Variants in TTI1 observed in about 807,000 individuals in gnomAD.
TTI1 encodes TELO2 interacting protein 1.
In TTI1, 52 loss-of-function variants were observed where a neutral mutation model predicts 85.4. The observed-to-expected ratio is 0.61, with a 90% confidence interval of 0.49 to 0.77. The LOEUF is 0.77. Among genes scored for constraint, TTI1 ranks in the 30% least tolerant of loss-of-function variants. TTI1 has a pLI of 0.00. For missense variants in TTI1, 1,173 were observed against 1,296.0 expected, an observed-to-expected ratio of 0.91 and a Z score of 1.46; for synonymous variants, 512 against 503.9, an observed-to-expected ratio of 1.02 and a Z score of -0.22.
intron 1 of TTI1, among the ~76,000 whole-genome samples, chr20:38,020,813 T>C (rs1036835780): frequency 3.9e-5 from 6 of 152,080 alleles, no homozygotes; most frequent in Admixed American, 3.3e-4. Flanking sequence ...TACACATCCA[T>C]GAGAAGAGCT....
Position 38,006,294 on chromosome 20 carries a change from GCTCTT to G in TTI1, c.2401_2405del (p.Lys801HisfsTer5), listed in dbSNP as rs1427551374. On this transcript the variant is annotated frameshift_variant, in exon 3 of 8. Transcript: ENST00000373447. LOFTEE classifies it high-confidence loss of function. ...GTTCGATGTCTTCAGCTGTGGTGGT[GCTCTT>G]CTCAAGAGCTGCTGGTCTTTGGTTC... is the stretch of plus-strand genomic sequence containing the variant. 1.9e-6 allele frequency: 3 copies of G among 1,614,054 alleles called. No homozygotes were observed. Among genetic ancestry groups the G allele is most frequent in the Non-Finnish European group, 2.5e-6 (3 of 1,180,026 alleles).
At position 37,999,342 on chromosome 20, in the gene TTI1, G is replaced by A. The variant is rs756731938; in HGVS notation, c.2653-14C>T. 6 of 1,387,432 alleles carry A rather than the reference G, an allele frequency of 4.3e-6. No homozygotes were observed. Among genetic ancestry groups the A allele is most frequent in the East Asian group, 5.5e-5 (2 of 36,600 alleles). The allele number at this position is 1,387,432 out of a possible 1,614,324, so 85.9% of individuals were successfully genotyped here. A position where few individuals can be genotyped will look rare whatever the true frequency, so the allele number is the denominator to read the frequency against. On this transcript the variant is annotated splice_polypyrimidine_tract_variant and intron_variant, in intron 4 of 7. Coordinates refer to ENST00000373447, the MANE Select transcript of TTI1 (RefSeq NM_001303457.2). The stretch of plus-strand genomic sequence containing the variant: ...CACATCCAAGACCTGAAAGAGACAC[G>A]ATTTCAGCAGATGGTATAGGCTTGA...
At chr20:38,020,713 A>T (rs912304110) in intron 1 of TTI1, among the ~76,000 whole-genome samples, 1 of 152,198 alleles carries the variant, frequency 6.6e-6, no homozygotes, top group African/African-American at 2.4e-5. Flanking sequence ...TATCACAAAA[A>T]AGGATAGCCA....
rs1468363342 is a variant in TTI1 at position 38,006,522 on chromosome 20, C to T, written c.2303-125G>A. The T allele has an allele frequency of 6.9e-6, 7 of 1,015,664 alleles. No individual in the cohort carries two copies. In the East Asian group the frequency reaches 1.3e-4, roughly 18 times the overall value. The allele number at this position is 1,015,664 out of a possible 1,614,324, so 62.9% of individuals were successfully genotyped here. On this transcript the variant is annotated intron_variant, in intron 2 of 7. Coordinates refer to ENST00000373447, the MANE Select transcript of TTI1 (RefSeq NM_001303457.2). ...ACATGATTCAGTCCCTGCCTGGCTC[C>T]CCGGCCTCCCAGTTGCCCATTAACT...
intron 1 of TTI1, among the ~76,000 whole-genome samples, chr20:38,031,473 C>G (rs777320656): frequency 6.6e-6 from 1 of 152,202 alleles, no homozygotes; most frequent in Admixed American, 6.5e-5. Flanking sequence ...ATCAATGAGG[C>G]CTTCTCTGAG....
At chr20:38,016,295 T>C (rs758431924) in intron 1 of TTI1, among the ~76,000 whole-genome samples, 8 of 152,208 alleles carry the variant, frequency 5.3e-5, no homozygotes, top group Non-Finnish European at 1.0e-4. Flanking sequence ...TCAAATACAA[T>C]GTTTAAGTGG....
chr20:38,003,904 C>T (rs2073461023), intron 3 of TTI1, among the ~76,000 whole-genome samples: 1 of 152,156 alleles, frequency 6.6e-6, no homozygotes, highest in African/African-American at 2.4e-5. Context: ...CATCTGTCTT[C>T]TCCACCAGCC....
intron 1 of TTI1, among the ~76,000 whole-genome samples, chr20:38,026,982 G>C (rs765091418): frequency 6.6e-6 from 1 of 152,180 alleles, no homozygotes; most frequent in Non-Finnish European, 1.5e-5. Context: ...GTAATACCTA[G>C]AGGGACCACT....
At chr20:37,999,683 C>A (rs2073393289) in intron 4 of TTI1, among the ~76,000 whole-genome samples, 1 of 152,160 alleles carries the variant, frequency 6.6e-6, no homozygotes, top group Non-Finnish European at 1.5e-5. Flanking sequence ...GGGGAAGGAG[C>A]TTCTAAAAGA....
chr20:37,999,463 A>G lies in TTI1; in HGVS notation c.2653-135T>C. On this transcript the variant is annotated intron_variant, in intron 4 of 7. Coordinates refer to ENST00000373447, the MANE Select transcript of TTI1 (RefSeq NM_001303457.2). Reference sequence around the variant, plus strand: ...TTTTCTGAGTGCTGACTACATGCCAAGCACTAGCTAGGTACTGAGGGGACA... The same window carrying G: ...TTTTCTGAGTGCTGACTACATGCCAGGCACTAGCTAGGTACTGAGGGGACA... The G allele has an allele frequency of 3.1e-6, 3 of 954,846 alleles. No homozygotes were observed. In the East Asian group the frequency reaches 9.9e-5, roughly 31 times the overall value. The allele number at this position is 954,846 out of a possible 1,614,324, so 59.1% of individuals were successfully genotyped here.
At position 38,013,027 on chromosome 20, in the gene TTI1, C is replaced by T. The variant is rs766967115; in HGVS notation, c.790G>A (p.Val264Ile). Residue 264 changes from valine (V) to isoleucine (I), a missense_variant, in exon 2 of 8, where the codon GTT (valine) becomes ATT (isoleucine). By Grantham distance (29) the Val-to-Ile change is conservative. Coordinates refer to ENST00000373447, the MANE Select transcript of TTI1 (RefSeq NM_001303457.2). ...ATCAGCTCTGCTACTCTGTGCTCAACTGCAGGTTTTGCTTGGACCTTTGAG... is the reference window on the plus strand; with the variant it reads ...ATCAGCTCTGCTACTCTGTGCTCAATTGCAGGTTTTGCTTGGACCTTTGAG... ...RISKVQAKPAVEHRVAELMVY... is the reference protein window; with the variant it reads ...RISKVQAKPAIEHRVAELMVY... 1.2e-6 allele frequency: 2 copies of T among 1,614,104 alleles called. No individual in the cohort carries two copies. Among genetic ancestry groups the T allele is most frequent in the Non-Finnish European group, 1.7e-6 (2 of 1,180,036 alleles).
chr20:37,996,587 G>T, intron 6 of TTI1, 125 bp from the exon 7 acceptor site: 12 of 1,392,082 alleles, frequency 8.6e-6, no homozygotes, highest in Non-Finnish European at 1.1e-5. Context: ...ACTCCATCCC[G>T]CCAAAGAACA....
chr20:38,030,561 A>ACACACACACC (rs1491234009), intron 1 of TTI1, among the ~76,000 whole-genome samples: 1 of 151,438 alleles, frequency 6.6e-6, no homozygotes, highest in African/African-American at 2.4e-5. Context: ...ACACACACAC[A>ACACACACACC]CCATGATAAA....
At chr20:37,996,332 T>C in intron 7 of TTI1, 43 bp downstream of exon 7, 1 of 1,605,188 alleles carries the variant, frequency 6.2e-7, no homozygotes. Context: ...CATCTGTAAT[T>C]TAGAACAAAC....
At chr20:38,017,252 T>G (rs2073695550) in intron 1 of TTI1, among the ~76,000 whole-genome samples, 2 of 152,186 alleles carry the variant, frequency 1.3e-5, no homozygotes, top group Non-Finnish European at 2.9e-5. Context: ...GGATATAGTA[T>G]GGTTTGGCAG....
intron 3 of TTI1, among the ~76,000 whole-genome samples, chr20:38,003,789 C>T (rs1050458046): frequency 6.6e-6 from 1 of 151,526 alleles, no homozygotes; most frequent in African/African-American, 2.4e-5. Flanking sequence ...GCAGGGTTCT[C>T]GTGTGGAGGA....
At chr20:38,009,998 T>C (rs1199485152) in intron 2 of TTI1, among the ~76,000 whole-genome samples, 1 of 152,220 alleles carries the variant, frequency 6.6e-6, no homozygotes, top group Non-Finnish European at 1.5e-5. Flanking sequence ...GCTTGTCTAA[T>C]GATTTGTTTA....
rs545625288 is a variant in TTI1, at chr20:38,032,182, C to T, written c.-42+1222G>A. Among the ~76,000 whole-genome samples the T allele has an allele frequency of 7.9e-5, 12 of 152,296 alleles. No individual in the cohort carries two copies. The South Asian group carries it at 2.3e-3, about 29-fold the overall frequency. On this transcript the variant is annotated intron_variant, in intron 1 of 7. Transcript: ENST00000373447. ...TTAACCTCTCTGAGCCTGTTTCCTA[C>T]GCTGTCCAAAGGGGGATAATATAAT...
chr20:38,005,668 G>A (rs753725890), intron 3 of TTI1, among the ~76,000 whole-genome samples: 7 of 152,030 alleles, frequency 4.6e-5, no homozygotes, highest in African/African-American at 7.2e-5. Context: ...CTGCACTGCC[G>A]AAGGAAAAGT....
Sources: allele counts gnomAD v4.1 joint callset (sites outside exome capture counted in the v4.1 genomes callset), GRCh38; gene constraint gnomAD v4.1.1; transcripts MANE v1.5; gene names NCBI Gene and HGNC (gene_info 2026-07-23, HGNC 2026-07-21).